Variants in TGM4 observed in about 807,000 individuals in gnomAD.
TGM4 encodes protein-glutamine gamma-glutamyltransferase 4.
A neutral mutation model predicts 76.3 loss-of-function variants in TGM4; 61 were observed. The ratio of observed to expected loss-of-function variants is 0.80; its 90% CI spans 0.65 to 0.99. The LOEUF (loss-of-function observed/expected upper bound fraction) is 0.99, where lower values mean the gene tolerates loss of function less well. Ranked by LOEUF, TGM4 falls within the 50% of genes least tolerant of loss-of-function variation. The probability of loss-of-function intolerance (pLI) is 0.00; values close to 1 mark genes in which losing one functional copy is unlikely to be tolerated. For synonymous variants in TGM4, 337 were observed against 329.8 expected, an observed-to-expected ratio of 1.02 and a Z score of -0.24; for missense variants, 794 against 843.2, an observed-to-expected ratio of 0.94 and a Z score of 0.72.
chr3:44,879,267 A>G (rs199682512), intron 1 of TGM4, among the ~76,000 whole-genome samples: 1 of 71,960 alleles, frequency 1.4e-5, no homozygotes, highest in Non-Finnish European at 3.0e-5. Context: ...CTCTCTCTCT[A>G]TATATATATA....
intron 1 of TGM4, among the ~76,000 whole-genome samples, chr3:44,884,333 G>C (rs1396273698): frequency 1.3e-5 from 2 of 152,196 alleles, no homozygotes; most frequent in Non-Finnish European, 2.9e-5. Context: ...ATAAAGGGGA[G>C]GGGTTTGGGT....
Position 44,893,630 on chromosome 3 carries a change from G to A in TGM4, c.484G>A (p.Asp162Asn). 13 of 1,613,890 alleles carry A rather than the reference G, an allele frequency of 8.1e-6. No homozygotes were observed. The highest frequency in any genetic ancestry group is 1.1e-5 in the Non-Finnish European group (13 of 1,179,882). The change falls in exon 5 of 14, where the codon GAC (aspartate) becomes AAC (asparagine). Residue 162 changes from aspartate to asparagine, a missense_variant. Physicochemically the swap from Asp to Asn is conservative, Grantham distance 23 (BLOSUM62 1). Transcript: ENST00000296125. ...EDERKEYILN[D>N]TGCHYVGAAR... ...CGAGCGCAAAGAGTACATCCTCAAT[G>A]ACACGGGCTGCCATTACGTGGGGGC... is the stretch of plus-strand genomic sequence containing the variant.
intron 1 of TGM4, among the ~76,000 whole-genome samples, chr3:44,878,431 G>A (rs1354121241): frequency 6.8e-6 from 1 of 147,402 alleles, no homozygotes; most frequent in Admixed American, 6.9e-5. Context: ...TTTTGTAATG[G>A]GCATTTATTA....
chr3:44,893,769 T>C, intron 5 of TGM4, 74 bp downstream of exon 5: 1 of 1,334,194 alleles, frequency 7.5e-7, no homozygotes, highest in South Asian at 1.2e-5. Context: ...TAGTAGTCAG[T>C]AAAGGTTCTG....
intron 3 of TGM4, 96 bp from the exon 4 acceptor site, chr3:44,890,507 A>T: frequency 1.3e-6 from 2 of 1,518,670 alleles, no homozygotes; most frequent in Non-Finnish European, 1.8e-6. Flanking sequence ...AGATGGGATG[A>T]GTTGTTAGGA....
chr3:44,903,574 C>T, intron 8 of TGM4: 2 of 358,450 alleles, frequency 5.6e-6, no homozygotes, highest in East Asian at 5.7e-5. Context: ...TTTAGTTCTG[C>T]TTCGAGTTCA....
rs369455504 is a variant in TGM4 at position 44,901,643 on chromosome 3, G to T, written c.777G>T (p.Thr259=). The T allele has an allele frequency of 8.5e-5, 138 of 1,614,084 alleles. No homozygotes were observed. The highest frequency in any genetic ancestry group is 1.1e-4 in the Non-Finnish European group (125 of 1,180,052). The change falls in exon 7 of 14, where the codon ACG becomes ACT. Residue 259 remains threonine (T), a synonymous_variant. Transcript: ENST00000296125. ...SAPILQQYYN[T]KQAVCFGQCW... ...CGATCCTGCAGCAGTACTACAACAC[G>T]AAGCAGGCTGTGTGCTTTGGCCAGT... is the stretch of plus-strand genomic sequence containing the variant.
chr3:44,899,861 G>A (rs1241488356), intron 6 of TGM4, among the ~76,000 whole-genome samples: 2 of 152,222 alleles, frequency 1.3e-5, no homozygotes, highest in Non-Finnish European at 2.9e-5. Flanking sequence ...CTCATAGCAT[G>A]GCAGCCAGCT....
In TGM4 at chr3:44,914,971, T is replaced by A. The variant is rs1359836668; in HGVS notation, c.*1246T>A. 6.6e-6 allele frequency: 1 copy of A among 152,142 alleles called. No individual in the cohort carries two copies. Among genetic ancestry groups the A allele is most frequent in the Non-Finnish European group, 1.5e-5 (1 of 68,028 alleles). The allele number at this position is 152,142 out of a possible 1,614,324, so 9.4% of individuals were successfully genotyped here. ...TCCCTGGCATACAGTAGGTGTTCAATAAATGTTTATTGAAGGAAAGGTGAC... is the reference window on the plus strand; with the variant it reads ...TCCCTGGCATACAGTAGGTGTTCAAAAAATGTTTATTGAAGGAAAGGTGAC... On this transcript the variant is annotated 3_prime_UTR_variant, in exon 14 of 14. Coordinates refer to ENST00000296125, the MANE Select transcript of TGM4 (RefSeq NM_003241.4).
chr3:44,913,867 CA>C lies in TGM4; in HGVS notation c.*143del, dbSNP rs2125762540. ...AGCAGGTCAAAAAGGCCAACACAAC[CA>C]TAAGCAGCCAGACCCACAAGGCCAG... On this transcript the variant is annotated 3_prime_UTR_variant, in exon 14 of 14. Coordinates refer to ENST00000296125, the MANE Select transcript of TGM4 (RefSeq NM_003241.4). 8.5e-7 allele frequency: 1 copy of C among 1,171,264 alleles called. No individual in the cohort carries two copies. The highest frequency in any genetic ancestry group is 1.5e-5 in the South Asian group (1 of 64,832). 72.6% of individuals were successfully genotyped at this position (1,171,264 alleles called of 1,614,324 possible).
chr3:44,907,782 G>A (rs1450055199), intron 10 of TGM4, among the ~76,000 whole-genome samples: 1 of 152,148 alleles, frequency 6.6e-6, no homozygotes, highest in Non-Finnish European at 1.5e-5. Flanking sequence ...AGGCTCATAC[G>A]CTGCCTCTGT....
At position 44,883,571 on chromosome 3, in the gene TGM4, C is replaced by T. The variant is rs76943027; in HGVS notation, c.20-1754C>T. Among the ~76,000 whole-genome samples, 11 of 152,334 alleles carry T rather than the reference C, an allele frequency of 7.2e-5. No individual in the cohort carries two copies. The South Asian group carries it at 8.3e-4, about 11-fold the overall frequency. ...GGGCTAAGATGCTCCAGCTAGCCAT[C>T]GGCCCACCCCAAGGTTTCAGCCCAA... is the stretch of plus-strand genomic sequence containing the variant. On this transcript the variant is annotated intron_variant, in intron 1 of 13. Coordinates refer to ENST00000296125, the MANE Select transcript of TGM4 (RefSeq NM_003241.4).
At position 44,874,683 on chromosome 3, in the gene TGM4, TG is replaced by T. The variant is rs1258786401; in HGVS notation, c.7del (p.Asp3MetfsTer14). On this transcript the variant is annotated frameshift_variant, in exon 1 of 14. Coordinates refer to ENST00000296125, the MANE Select transcript of TGM4 (RefSeq NM_003241.4). LOFTEE classifies it high-confidence loss of function. The stretch of plus-strand genomic sequence containing the variant: ...TGCAGGAGAGAATCTGAAGGGATGA[TG>T]GATGCATCAAAAGGTGAGTGGGTGA... M[M>X]DASKELQVLH... The T allele has an allele frequency of 6.2e-7, 1 of 1,614,194 alleles. No homozygotes were observed.
chr3:44,911,574 C>T (rs942721312), intron 13 of TGM4, among the ~76,000 whole-genome samples, 168 bp downstream of exon 13: 14 of 152,226 alleles, frequency 9.2e-5, no homozygotes, highest in African/African-American at 3.4e-4. Context: ...AATTTATGCT[C>T]TACCGACAGA....
intron 13 of TGM4, 22 bp from the exon 14 acceptor site, chr3:44,913,554 TGTATGTCC>T (rs762123851): frequency 1.1e-5 from 17 of 1,600,750 alleles, no homozygotes; most frequent in South Asian, 2.3e-5. Flanking sequence ...CTTGGCTGAT[TGTATGTCC>T]GTATGTCTTT....
chr3:44,884,491 T>A (rs989083758), intron 1 of TGM4, among the ~76,000 whole-genome samples: 3 of 151,916 alleles, frequency 2.0e-5, no homozygotes, highest in Non-Finnish European at 4.4e-5. Flanking sequence ...AAATCCCCTG[T>A]TTTTTTTGGG....
At chr3:44,900,371 T>G (rs1324384117) in intron 6 of TGM4, among the ~76,000 whole-genome samples, 1 of 152,132 alleles carries the variant, frequency 6.6e-6, no homozygotes, top group Non-Finnish European at 1.5e-5. Context: ...AGTCTGGCGG[T>G]GGCCTCTGCT....
intron 8 of TGM4, among the ~76,000 whole-genome samples, chr3:44,903,274 G>A (rs754081547): frequency 5.3e-5 from 8 of 152,102 alleles, no homozygotes; most frequent in Non-Finnish European, 1.2e-4. Context: ...CCAATACCCT[G>A]TGGATACCGA....
chr3:44,878,618 G>T (rs1424724007), intron 1 of TGM4, among the ~76,000 whole-genome samples: 1 of 151,824 alleles, frequency 6.6e-6, no homozygotes, highest in Non-Finnish European at 1.5e-5. Context: ...GAATAGCTGG[G>T]ATTACAGGCA....
Sources: gnomAD v4.1 joint callset for allele counts (sites outside exome capture counted in the v4.1 genomes callset) on GRCh38, gnomAD v4.1.1 for gene constraint, MANE v1.5 for transcripts, NCBI Gene and HGNC (gene_info 2026-07-23, HGNC 2026-07-21) for gene names.